Variants in RHCE observed in about 807,000 individuals in gnomAD.
The protein encoded by RHCE is Rh blood group CcEe antigens.
Under a neutral mutation model 43.8 loss-of-function variants are expected in RHCE, and 22 were observed. That is an observed-to-expected ratio of 0.50 (90% confidence interval 0.36 to 0.72). The LOEUF (loss-of-function observed/expected upper bound fraction) is 0.72, where lower values mean the gene tolerates loss of function less well. Among genes scored for constraint, RHCE ranks in the 30% least tolerant of loss-of-function variants. The pLI, the probability that RHCE is intolerant of heterozygous loss-of-function variation, is 0.00. For synonymous variants in RHCE, 156 were observed against 210.7 expected (o/e 0.74, Z 2.25); for missense variants, 385 against 525.4 (o/e 0.73, Z 2.61).
chr1:25,379,323 C>T (rs1420749617), intron 7 of RHCE, among the ~76,000 whole-genome samples: 1 of 151,276 alleles, frequency 6.6e-6, no homozygotes, highest in Non-Finnish European at 1.5e-5. Flanking sequence ...ATTTCATCAA[C>T]ATATGAATTT....
chr1:25,390,866 CAGCAG>C lies in RHCE; in HGVS notation c.679_683del (p.Leu227GlufsTer89), dbSNP rs1646338283. The C allele has an allele frequency of 5.0e-6, 8 of 1,614,108 alleles. No homozygotes were observed. The highest frequency in any genetic ancestry group is 5.9e-6 in the Non-Finnish European group (7 of 1,180,046). ...CATTCTTCCTTTGGATTGGACTTCTCAGCAGAGCAGAGTTGACACTTGGCCAGAAC... is the reference window on the plus strand; with the variant it reads ...CATTCTTCCTTTGGATTGGACTTCTCAGCAGAGTTGACACTTGGCCAGAAC... On this transcript the variant is annotated frameshift_variant, in exon 5 of 10. Transcript: ENST00000294413. LOFTEE classifies it high-confidence loss of function.
At chr1:25,410,763 C>T (rs370864298) in intron 1 of RHCE, among the ~76,000 whole-genome samples, 3 of 152,058 alleles carry the variant, frequency 2.0e-5, no homozygotes, top group Admixed American at 6.5e-5. Flanking sequence ...TAGCTCTGTT[C>T]GATCCCAGCT....
At chr1:25,388,152 G>GTTCA (rs2124410108) in intron 6 of RHCE, among the ~76,000 whole-genome samples, 1 of 145,074 alleles carries the variant, frequency 6.9e-6, no homozygotes, top group South Asian at 2.3e-4. Context: ...AATAGCCCCT[G>GTTCA]TTCATCCAAA....
chr1:25,430,073 G>A (rs1190174499), exon 1 of RHCE: 1 of 151,896 alleles, frequency 6.6e-6, no homozygotes, highest in Non-Finnish European at 1.5e-5. Context: ...CGGCCCGGAG[G>A]CCGATGCTTC....
At position 25,362,269 on chromosome 1, in the gene RHCE, A is replaced by T; in HGVS notation, c.*258T>A. 4.0e-6 allele frequency: 3 copies of T among 746,754 alleles called. No homozygotes were observed. Among genetic ancestry groups the T allele is most frequent in the Non-Finnish European group, 6.4e-6 (3 of 470,820 alleles). 46.3% of individuals were successfully genotyped at this position (746,754 alleles called of 1,614,324 possible). ...GTCAATAAAATTAACCCAAAACTTT[A>T]ATAATGTGTCTGTAACCAAGAAAAT... On this transcript the variant is annotated 3_prime_UTR_variant, in exon 10 of 10. Transcript: ENST00000294413.
At chr1:25,401,867 C>A (rs770147552) in intron 3 of RHCE, among the ~76,000 whole-genome samples, 1 of 151,780 alleles carries the variant, frequency 6.6e-6, no homozygotes, top group Non-Finnish European at 1.5e-5. Flanking sequence ...TCAATCTTTT[C>A]TTTTCTTTTT....
At chr1:25,411,620 T>C (rs1647081772) in intron 1 of RHCE, 1 of 559,796 alleles carries the variant, frequency 1.8e-6, no homozygotes, top group Admixed American at 3.6e-5. Context: ...GATTCAACTC[T>C]TTGCACTTCT....
intron 7 of RHCE, among the ~76,000 whole-genome samples, chr1:25,383,968 G>A (rs1282115819): frequency 6.6e-6 from 1 of 152,120 alleles, no homozygotes; most frequent in Admixed American, 6.6e-5. Flanking sequence ...CCACTGATTG[G>A]CTTTTTCTTT....
At chr1:25,416,538 C>T (rs1383459000) in intron 1 of RHCE, among the ~76,000 whole-genome samples, 1 of 152,172 alleles carries the variant, frequency 6.6e-6, no homozygotes, top group Non-Finnish European at 1.5e-5. Context: ...GCTGGGATTA[C>T]AGGCGTGAGC....
At chr1:25,368,921 T>A (rs1206600313) in intron 9 of RHCE, among the ~76,000 whole-genome samples, 1 of 151,716 alleles carries the variant, frequency 6.6e-6, no homozygotes, top group Non-Finnish European at 1.5e-5. Context: ...CCACCACGCC[T>A]GGCTAATTTT....
At chr1:25,406,252 T>TGC (rs769851209) in intron 2 of RHCE, among the ~76,000 whole-genome samples, 47,609 of 81,708 alleles carry the variant, frequency 0.58, 17,497 homozygotes, top group Middle Eastern at 0.68. Context: ...CGTGCGTGCG[T>TGC]GTGTGTGTGT....
At chr1:25,395,715 T>C (rs602052) in intron 3 of RHCE, among the ~76,000 whole-genome samples, 88,906 of 151,786 alleles carry the variant, frequency 0.59, 27,335 homozygotes, top group African/African-American at 0.76. Flanking sequence ...AATCCAGGAG[T>C]CCATGGTAAT....
chr1:25,394,350 C>T (rs1160994848), intron 3 of RHCE, among the ~76,000 whole-genome samples: 1 of 152,024 alleles, frequency 6.6e-6, no homozygotes, highest in African/African-American at 2.4e-5. Flanking sequence ...AAATAGCCCT[C>T]CCAGCACCCT....
At chr1:25,412,026 C>T (rs949791558) in intron 1 of RHCE, among the ~76,000 whole-genome samples, 6 of 152,084 alleles carry the variant, frequency 3.9e-5, no homozygotes, top group African/African-American at 1.4e-4. Context: ...CGCTCATGAC[C>T]GGGCCCAGAG....
intron 2 of RHCE, among the ~76,000 whole-genome samples, chr1:25,405,478 C>G (rs1424955770): frequency 1.3e-5 from 2 of 152,080 alleles, no homozygotes; most frequent in African/African-American, 4.8e-5. Flanking sequence ...CCTGGTGAAA[C>G]CCCGTCTCTA....
intron 7 of RHCE, among the ~76,000 whole-genome samples, chr1:25,385,072 A>G (rs952310235): frequency 1.3e-5 from 2 of 152,202 alleles, no homozygotes; most frequent in African/African-American, 4.8e-5. Flanking sequence ...TCCAGGAAGT[A>G]ATGGCTAGGG....
intron 7 of RHCE, among the ~76,000 whole-genome samples, chr1:25,377,560 A>G (rs1007655869): frequency 6.6e-6 from 1 of 152,158 alleles, no homozygotes; most frequent in African/African-American, 2.4e-5. Flanking sequence ...ATTGGGCTAT[A>G]TTAAAATTAA....
In RHCE at chr1:25,407,336, AT is replaced by A. The variant is rs1646950317; in HGVS notation, c.335+1346del. On this transcript the variant is annotated intron_variant, in intron 2 of 9. Coordinates refer to ENST00000294413, the MANE Select transcript of RHCE (RefSeq NM_020485.8). Reference sequence around the variant, plus strand: ...CACTCTGGAGCATGTGGAAAAGGTTATAAAAAAAAGTTAGAGCCATCTCCAC... The same window carrying A: ...CACTCTGGAGCATGTGGAAAAGGTTAAAAAAAAAGTTAGAGCCATCTCCAC... 1.6e-5 allele frequency among the ~76,000 whole-genome samples: 2 copies of A among 123,844 alleles called. 1 individual carries two copies. The highest frequency in any genetic ancestry group is 3.7e-5 in the Non-Finnish European group (2 of 54,246). The allele number at this position is 123,844 out of a possible 152,430, so 81.2% of individuals were successfully genotyped here. A position where few individuals can be genotyped will look rare whatever the true frequency, so the allele number is the denominator to read the frequency against.
Position 25,372,515 on chromosome 1 carries a change from G to T in RHCE, c.1154-1975C>A, listed in dbSNP as rs978382507. Among the ~76,000 whole-genome samples, 141 of 149,548 alleles carry T rather than the reference G, an allele frequency of 9.4e-4. 2 individuals are homozygous for T. Among genetic ancestry groups the T allele is most frequent in the Non-Finnish European group, 5.6e-4 (38 of 67,626 alleles). Reference sequence around the variant, plus strand: ...GCCTGGGCAACAAGAGCAAAACTCCGTCTAAAAAAAAAAAAAAGAATTTCT... The same window carrying T: ...GCCTGGGCAACAAGAGCAAAACTCCTTCTAAAAAAAAAAAAAAGAATTTCT... On this transcript the variant is annotated intron_variant, in intron 8 of 9. Coordinates refer to ENST00000294413, the MANE Select transcript of RHCE (RefSeq NM_020485.8).
Sources: allele counts gnomAD v4.1 joint callset (sites outside exome capture counted in the v4.1 genomes callset), GRCh38; gene constraint gnomAD v4.1.1; transcripts MANE v1.5; gene names NCBI Gene and HGNC (gene_info 2026-07-23, HGNC 2026-07-21).